Variants in ANKRD36B observed in about 807,000 individuals in gnomAD.
The protein encoded by ANKRD36B is ankyrin repeat domain-containing protein 36B.
In ANKRD36B, 37 loss-of-function variants were observed where a neutral mutation model predicts 135.7. That is an observed-to-expected ratio of 0.27 (90% confidence interval 0.21 to 0.36). The LOEUF (loss-of-function observed/expected upper bound fraction) is 0.36, where lower values mean the gene tolerates loss of function less well. Ranked by LOEUF, ANKRD36B falls within the 10% of genes least tolerant of loss-of-function variation. ANKRD36B has a pLI of 1.00. For synonymous variants in ANKRD36B, 179 were observed against 348.1 expected (o/e 0.51, Z 5.41); for missense variants, 549 against 1,037.1 (o/e 0.53, Z 6.46).
At chr2:97,554,402 G>A (rs577059469) in intron 14 of ANKRD36B, among the ~76,000 whole-genome samples, 1 of 152,014 alleles carries the variant, frequency 6.6e-6, no homozygotes, top group East Asian at 2.0e-4. Flanking sequence ...GTAGCAAAGA[G>A]AAGTAATTTG....
chr2:97,589,497 C>T (rs773490732), intron 1 of ANKRD36B, 28 bp downstream of exon 1: 10 of 1,552,122 alleles, frequency 6.4e-6, no homozygotes, highest in South Asian at 1.2e-5. Context: ...GGCCTCCTCC[C>T]GCAGCCCCGG....
At chr2:97,549,147 C>A (rs1421423677) in intron 20 of ANKRD36B, among the ~76,000 whole-genome samples, 3 of 151,896 alleles carry the variant, frequency 2.0e-5, no homozygotes, top group Admixed American at 6.6e-5. Context: ...ATGCTCTTCC[C>A]CAGAGCCCCT....
intron 43 of ANKRD36B, among the ~76,000 whole-genome samples, chr2:97,493,999 T>C (rs2077274209): frequency 9.4e-6 from 1 of 106,336 alleles, no homozygotes; most frequent in South Asian, 2.2e-4. Context: ...ATTCCTATTA[T>C]CATTTTGGTC....
At position 97,536,659 on chromosome 2, in the gene ANKRD36B, A is replaced by G. The variant is rs3970448; in HGVS notation, c.2090-163T>C. On this transcript the variant is annotated intron_variant, in intron 32 of 43. Transcript: ENST00000359901. ...GACAGTAACATGATAGAAATGCAAT[A>G]AAGAAAATAGGAATACAAGCTTCAA... 7.3e-5 allele frequency among the ~76,000 whole-genome samples: 7 copies of G among 96,494 alleles called. 2 individuals carry two copies. Among genetic ancestry groups the G allele is most frequent in the East Asian group, 6.8e-4 (3 of 4,382 alleles). 63.3% of individuals were successfully genotyped at this position (96,494 alleles called of 152,430 possible). A position where few individuals can be genotyped will look rare whatever the true frequency, so the allele number is the denominator to read the frequency against.
intron 3 of ANKRD36B, among the ~76,000 whole-genome samples, chr2:97,584,191 C>G (rs1371591951): frequency 8.3e-5 from 8 of 96,282 alleles, no homozygotes; most frequent in Admixed American, 2.7e-4. Context: ...AACTGTGTGC[C>G]GCTTCATCAC....
At chr2:97,574,553 G>C (rs1156374644) in intron 6 of ANKRD36B, among the ~76,000 whole-genome samples, 1 of 152,162 alleles carries the variant, frequency 6.6e-6, no homozygotes, top group African/African-American at 2.4e-5. Context: ...ACACCCAAAG[G>C]ATTATAAATC....
chr2:97,496,833 GTATATATATA>G (rs56775263), intron 43 of ANKRD36B, among the ~76,000 whole-genome samples: 16 of 62,102 alleles, frequency 2.6e-4, no homozygotes, highest in African/African-American at 5.3e-4. Context: ...ATATGTGTGT[GTATATATATA>G]TATATATATA....
chr2:97,526,283 C>G (rs2078203469), intron 35 of ANKRD36B, among the ~76,000 whole-genome samples: 3 of 97,786 alleles, frequency 3.1e-5, no homozygotes, highest in Middle Eastern at 0.01. Context: ...TGCTGATACC[C>G]AGGCAGACAG....
At chr2:97,554,930 G>A (rs1428925942) in intron 14 of ANKRD36B, 130 bp downstream of exon 14, 18 of 1,221,474 alleles carry the variant, frequency 1.5e-5, no homozygotes, top group Middle Eastern at 2.2e-4. Context: ...ACTTATTACA[G>A]ATGAAGAATC....
Position 97,580,514 on chromosome 2 carries a change from C to T in ANKRD36B, c.505G>A (p.Glu169Lys). ...AVSRRKVKMVEFLLKKKANVN... is the reference protein window; with the variant it reads ...AVSRRKVKMVKFLLKKKANVN... ...TTTGCTTTTTTCTTTAATAAAAATT[C>T]CACCATTTTCACTTTTCTTCGACTC... Residue 169 changes from glutamate to lysine, a missense_variant, in exon 4 of 44, where the codon GAA (glutamate) becomes AAA (lysine). By Grantham distance (56) the Glu-to-Lys change is moderately conservative. Transcript: ENST00000359901. The T allele has an allele frequency of 6.5e-7, 1 of 1,548,260 alleles. No homozygotes were observed. Among genetic ancestry groups the T allele is most frequent in the East Asian group, 2.5e-5 (1 of 40,744 alleles).
chr2:97,545,587 C>A lies in ANKRD36B; in HGVS notation c.1681+79G>T, dbSNP rs570232944. ...ATCAGAACATGAAGATTTGACGAAC[C>A]CCCCGCTGCTTTATTTGGTGAAGAG... On this transcript the variant is annotated intron_variant, in intron 24 of 43. Transcript: ENST00000359901. 5 of 750,420 alleles carry A rather than the reference C, an allele frequency of 6.7e-6. 1 individual carries two copies. The highest frequency in any genetic ancestry group is 1.1e-5 in the Non-Finnish European group (5 of 473,674). 46.5% of individuals were successfully genotyped at this position (750,420 alleles called of 1,614,324 possible). A position where few individuals can be genotyped will look rare whatever the true frequency, so the allele number is the denominator to read the frequency against.
At chr2:97,575,420 G>C (rs11687727) in intron 6 of ANKRD36B, among the ~76,000 whole-genome samples, 1 of 140,136 alleles carries the variant, frequency 7.1e-6, no homozygotes, top group African/African-American at 2.5e-5. Context: ...CAGTGAACAC[G>C]TCCTACTCCT....
At chr2:97,548,426 T>A (rs2104610631) in intron 20 of ANKRD36B, among the ~76,000 whole-genome samples, 1 of 152,086 alleles carries the variant, frequency 6.6e-6, no homozygotes, top group African/African-American at 2.4e-5. Flanking sequence ...AATAAAAATA[T>A]CATCAATTAT....
At chr2:97,571,847 C>T (rs1460664273) in intron 6 of ANKRD36B, among the ~76,000 whole-genome samples, 1 of 152,074 alleles carries the variant, frequency 6.6e-6, no homozygotes, top group Non-Finnish European at 1.5e-5. Context: ...CTGTTAAGGG[C>T]CGTTCTTCAT....
At position 97,548,093 on chromosome 2, in the gene ANKRD36B, C is replaced by T. The variant is rs185265593; in HGVS notation, c.1478-362G>A. Among the ~76,000 whole-genome samples, 276 of 151,822 alleles carry T rather than the reference C, an allele frequency of 1.8e-3. 2 individuals carry two copies. Among genetic ancestry groups the T allele is most frequent in the African/African-American group, 6.3e-3 (262 of 41,530 alleles). On this transcript the variant is annotated intron_variant, in intron 20 of 43. Coordinates refer to ENST00000359901, the MANE Select transcript of ANKRD36B (RefSeq NM_001393939.1). ...ACGTGAAAGCAGGTGCTACATGATC[C>T]CACATGTCTTTCATGCAACAAATCA...
intron 43 of ANKRD36B, among the ~76,000 whole-genome samples, chr2:97,506,651 T>A (rs1167344447): frequency 6.6e-5 from 6 of 91,226 alleles, no homozygotes; most frequent in African/African-American, 1.5e-4. Flanking sequence ...CTAATTATTA[T>A]CACACGAGTG....
intron 24 of ANKRD36B, among the ~76,000 whole-genome samples, chr2:97,544,262 A>G (rs1404877823): frequency 1.3e-5 from 1 of 79,854 alleles, no homozygotes; most frequent in Admixed American, 1.2e-4. Context: ...TGGATATGCC[A>G]AGTGATGAGG....
intron 14 of ANKRD36B, among the ~76,000 whole-genome samples, chr2:97,553,659 T>C (rs12712056): frequency 0.57 from 86,782 of 151,334 alleles, 26,171 homozygotes; most frequent in Non-Finnish European, 0.67. Flanking sequence ...CAAGTGATCA[T>C]GACAAATGCG....
chr2:97,578,579 T>C (rs1317932516), intron 5 of ANKRD36B, among the ~76,000 whole-genome samples: 1 of 151,916 alleles, frequency 6.6e-6, no homozygotes, highest in Non-Finnish European at 1.5e-5. Flanking sequence ...AATAACTAAT[T>C]AGAAAAATCA....
Sources: gnomAD v4.1 joint callset for allele counts (sites outside exome capture counted in the v4.1 genomes callset) on GRCh38, gnomAD v4.1.1 for gene constraint, MANE v1.5 for transcripts, NCBI Gene and HGNC (gene_info 2026-07-23, HGNC 2026-07-21) for gene names.